Variants in TBC1D22B observed in about 807,000 individuals in gnomAD.
TBC1D22B encodes TBC1 domain family member 22B.
A neutral mutation model predicts 69.1 loss-of-function variants in TBC1D22B; 32 were observed. That is an observed-to-expected ratio of 0.46 (90% CI 0.35 to 0.62). The LOEUF (loss-of-function observed/expected upper bound fraction) is 0.62. Ranked by LOEUF, TBC1D22B falls within the 20% of genes least tolerant of loss-of-function variation. The pLI is 0.00. For missense variants in TBC1D22B, 462 were observed against 630.9 expected, an observed-to-expected ratio of 0.73 and a Z score of 2.87; for synonymous variants, 206 against 229.8, an observed-to-expected ratio of 0.90 and a Z score of 0.94.
At chr6:37,289,407 C>T (rs1436385489) in intron 7 of TBC1D22B, among the ~76,000 whole-genome samples, 3 of 152,206 alleles carry the variant, frequency 2.0e-5, no homozygotes, top group Non-Finnish European at 2.9e-5. Context: ...TAGCGAACAT[C>T]CCATGGTCTC....
intron 8 of TBC1D22B, among the ~76,000 whole-genome samples, chr6:37,292,237 G>A (rs1767208030): frequency 1.4e-5 from 2 of 147,652 alleles, no homozygotes; most frequent in African/African-American, 4.9e-5. Context: ...TGAGGGTAGT[G>A]GATGATTGTG....
At chr6:37,327,972 G>A (rs956902766) in intron 12 of TBC1D22B, among the ~76,000 whole-genome samples, 1 of 151,968 alleles carries the variant, frequency 6.6e-6, no homozygotes, top group Admixed American at 6.6e-5. Flanking sequence ...AGGGAAATGG[G>A]CATTTTTCTG....
intron 3 of TBC1D22B, 32 bp from the exon 4 acceptor site, chr6:37,282,153 G>A: frequency 6.2e-7 from 1 of 1,611,048 alleles, no homozygotes; most frequent in Non-Finnish European, 8.5e-7. Flanking sequence ...TCCTCACACA[G>A]CCCGTTCTCT....
At chr6:37,263,421 A>T (rs550476460) in intron 1 of TBC1D22B, among the ~76,000 whole-genome samples, 82 of 152,268 alleles carry the variant, frequency 5.4e-4, no homozygotes, top group Non-Finnish European at 1.1e-3. Context: ...AACATAAAAA[A>T]TACTGTGTGT....
intron 12 of TBC1D22B, among the ~76,000 whole-genome samples, chr6:37,323,082 A>AAGCAGCAGC (rs200537251): frequency 6.6e-6 from 1 of 151,964 alleles, no homozygotes; most frequent in Non-Finnish European, 1.5e-5. Context: ...CATCTCGGGA[A>AAGCAGCAGC]AGCAGCAGCA....
intron 8 of TBC1D22B, among the ~76,000 whole-genome samples, 172 bp downstream of exon 8, chr6:37,291,529 A>C (rs889447078): frequency 6.6e-6 from 1 of 152,232 alleles, no homozygotes; most frequent in Non-Finnish European, 1.5e-5. Flanking sequence ...CCTGGAATTT[A>C]TCTCTTAAGA....
chr6:37,317,617 A>C (rs1052781316), intron 12 of TBC1D22B, among the ~76,000 whole-genome samples: 12 of 152,202 alleles, frequency 7.9e-5, no homozygotes, highest in African/African-American at 2.9e-4. Context: ...ATCATAGTAA[A>C]TAGTAAATTG....
chr6:37,257,908 G>C lies in TBC1D22B; in HGVS notation c.-10G>C. On this transcript the variant is annotated 5_prime_UTR_variant, in exon 1 of 13. Coordinates refer to ENST00000373491, the MANE Select transcript of TBC1D22B (RefSeq NM_017772.4). ...TGGCCCGCCTACAAGGACTTCCCCC[G>C]GCCAGAGCAATGGCCGCTGAGAACA... 1 of 1,613,372 alleles carries C rather than the reference G, an allele frequency of 6.2e-7. No individual in the cohort carries two copies. Among genetic ancestry groups the C allele is most frequent in the Non-Finnish European group, 8.5e-7 (1 of 1,179,726 alleles).
intron 8 of TBC1D22B, 97 bp downstream of exon 8, chr6:37,291,454 C>T: frequency 1.2e-6 from 1 of 867,736 alleles, no homozygotes; most frequent in Non-Finnish European, 1.7e-6. Flanking sequence ...GTAGGTATGT[C>T]TTGCTAGAAA....
chr6:37,293,549 C>A (rs568958216), intron 8 of TBC1D22B, among the ~76,000 whole-genome samples: 2 of 152,094 alleles, frequency 1.3e-5, no homozygotes, highest in Admixed American at 6.5e-5. Flanking sequence ...TCCTCATCTC[C>A]CTCTCCTTGG....
chr6:37,279,845 G>A (rs1203570119), intron 3 of TBC1D22B, among the ~76,000 whole-genome samples: 1 of 152,212 alleles, frequency 6.6e-6, no homozygotes. Flanking sequence ...ACACCCAGGT[G>A]TTGTTTGCCA....
intron 2 of TBC1D22B, 130 bp from the exon 3 acceptor site, chr6:37,279,174 A>C (rs553015029): frequency 1.2e-6 from 1 of 857,994 alleles, no homozygotes; most frequent in East Asian, 2.7e-5. Context: ...GATGTGGGCA[A>C]TTTTTGTTTG....
intron 9 of TBC1D22B, 52 bp from the exon 10 acceptor site, chr6:37,313,764 T>TGATA: frequency 3.2e-6 from 5 of 1,542,046 alleles, no homozygotes; most frequent in Non-Finnish European, 4.5e-6. Context: ...GAATGTCAGG[T>TGATA]GATAACACAA....
intron 7 of TBC1D22B, among the ~76,000 whole-genome samples, chr6:37,290,456 G>A (rs969576161): frequency 5.9e-5 from 9 of 152,142 alleles, no homozygotes; most frequent in African/African-American, 1.9e-4. Context: ...TGAAAGCGAG[G>A]GGAGTATAGT....
chr6:37,296,972 T>C (rs1031187271), intron 8 of TBC1D22B, among the ~76,000 whole-genome samples: 1 of 152,072 alleles, frequency 6.6e-6, no homozygotes, highest in African/African-American at 2.4e-5. Flanking sequence ...GACTATAGCC[T>C]TGCACCACCA....
At chr6:37,327,235 T>C in intron 12 of TBC1D22B, among the ~76,000 whole-genome samples, 1 of 95,090 alleles carries the variant, frequency 1.1e-5, no homozygotes, top group Non-Finnish European at 2.0e-5. Flanking sequence ...TCCCAGCACT[T>C]TGGGAGGCCG....
intron 1 of TBC1D22B, among the ~76,000 whole-genome samples, chr6:37,262,252 G>C (rs931294059): frequency 2.6e-5 from 4 of 152,028 alleles, no homozygotes; most frequent in Non-Finnish European, 5.9e-5. Flanking sequence ...GGCTGGTCTT[G>C]AACTCTTGAC....
chr6:37,325,540 CTTTTTTTTTTTT>C (rs70977648), intron 12 of TBC1D22B, among the ~76,000 whole-genome samples: 3 of 77,174 alleles, frequency 3.9e-5, no homozygotes, highest in South Asian at 9.8e-4. Context: ...ATCGTTTCTA[CTTTTTTTTTTTT>C]TTTTTTTTTT....
In TBC1D22B at chr6:37,279,369, A is replaced by G; in HGVS notation, c.179A>G (p.His60Arg). The change falls in exon 3 of 13, where the codon CAT (histidine) becomes CGT (arginine). Residue 60 changes from histidine to arginine, a missense_variant. By Grantham distance (29) the His-to-Arg change is conservative (BLOSUM62 0). This residue lies in a region of TBC1D22B where 237 missense variants were observed against 255.4 expected (regional missense o/e 0.93). Transcript: ENST00000373491. ...AAGAATAAGAAGGCCTCCAGTTTTC[A>G]TGAGTTTGCACGGAATACCAGTGAT... is the stretch of plus-strand genomic sequence containing the variant. ...PLKNKKASSF[H>R]EFARNTSDAW... 1.2e-6 allele frequency: 2 copies of G among 1,614,130 alleles called. No homozygotes were observed. The highest frequency in any genetic ancestry group is 1.7e-6 in the Non-Finnish European group (2 of 1,179,998).
Sources: gnomAD v4.1 joint callset for allele counts (sites outside exome capture counted in the v4.1 genomes callset) on GRCh38, gnomAD v4.1.1 for gene constraint, gnomAD v4.1.1 regional missense constraint, MANE v1.5 for transcripts, NCBI Gene and HGNC (gene_info 2026-07-23, HGNC 2026-07-21) for gene names.